SLC35F5: variants seen among roughly 807,000 people sequenced by gnomAD.
The protein encoded by SLC35F5 is HCV NS5A-transactivated protein 3.
A neutral mutation model predicts 68.6 loss-of-function variants in SLC35F5; 54 were observed. The ratio of observed to expected loss-of-function variants is 0.79; its 90% confidence interval spans 0.63 to 0.99. The LOEUF (loss-of-function observed/expected upper bound fraction) is 0.99, where lower values mean the gene tolerates loss of function less well. Ranked by LOEUF, SLC35F5 falls within the 50% of genes least tolerant of loss-of-function variation. The pLI, the probability that SLC35F5 is intolerant of heterozygous loss-of-function variation, is 0.00. For missense variants in SLC35F5, 567 were observed against 626.9 expected (o/e 0.90, Z 1.02); for synonymous variants, 211 against 205.2 (o/e 1.03, Z -0.24).
chr2:113,748,210 G>A (rs1676591399), intron 4 of SLC35F5, among the ~76,000 whole-genome samples: 1 of 152,048 alleles, frequency 6.6e-6, no homozygotes, highest in African/African-American at 2.4e-5. Flanking sequence ...CTGTCACCCA[G>A]ACTGGAGTGT....
chr2:113,729,404 AG>A lies in SLC35F5; in HGVS notation c.1086del (p.Phe363LeufsTer4). 1 of 1,460,158 alleles carries A rather than the reference AG, an allele frequency of 6.8e-7. No individual in the cohort carries two copies. Among genetic ancestry groups the A allele is most frequent in the Non-Finnish European group, 9.5e-7 (1 of 1,053,104 alleles). 90.5% of individuals were successfully genotyped at this position (1,460,158 alleles called of 1,614,324 possible). ...CCCAAGTTACATATATTCTTACCAA[AG>A]AACATTGGAATATCCAACTTGTCTT... is the stretch of plus-strand genomic sequence containing the variant. ...DREDKLDIPM[F>X]FGFVGLFNLL... On this transcript the variant is annotated frameshift_variant, in exon 11 of 16. Transcript: ENST00000245680. LOFTEE classifies it high-confidence loss of function.
intron 1 of SLC35F5, chr2:113,755,913 G>A: frequency 6.4e-7 from 1 of 1,550,552 alleles, no homozygotes. Context: ...TTCTAAAAGT[G>A]TCTTTTCTGT....
chr2:113,739,464 C>A (rs1396594998), intron 7 of SLC35F5, among the ~76,000 whole-genome samples: 2 of 152,150 alleles, frequency 1.3e-5, no homozygotes, highest in African/African-American at 2.4e-5. Context: ...CTATATTCCT[C>A]TGACTTCCCA....
intron 3 of SLC35F5, among the ~76,000 whole-genome samples, chr2:113,753,168 C>CTTTT (rs1173478465): frequency 0.01 from 492 of 49,068 alleles, 148 homozygotes; most frequent in African/African-American, 0.022. Context: ...GTTTGTTTTT[C>CTTTT]TTTTTTTTTT....
At chr2:113,727,137 C>A (rs1167427172) in intron 11 of SLC35F5, among the ~76,000 whole-genome samples, 1 of 152,136 alleles carries the variant, frequency 6.6e-6, no homozygotes, top group African/African-American at 2.4e-5. Flanking sequence ...AAGTGTTTGG[C>A]AGTTCCCCCT....
intron 6 of SLC35F5, among the ~76,000 whole-genome samples, chr2:113,743,228 C>T (rs904647816): frequency 2.0e-5 from 3 of 152,100 alleles, no homozygotes; most frequent in Admixed American, 1.3e-4. Flanking sequence ...TTTTTCCTCA[C>T]GCATACCCAA....
chr2:113,742,849 T>C lies in SLC35F5; in HGVS notation c.593A>G (p.Asn198Ser), dbSNP rs908499067. The change falls in exon 7 of 16, where the codon AAT (asparagine) becomes AGT (serine). Residue 198 changes from asparagine to serine, a missense_variant. Transcript: ENST00000245680. ...CGGAAGCTGTCGAATCTCCATGATA[T>C]TACTGAACCTCACACGAGACTTTTT... ...TPKKSRVRFS[N>S]IMEIRQLPSS... The C allele has an allele frequency of 6.8e-6, 11 of 1,613,888 alleles. No individual in the cohort carries two copies. The Admixed American group carries it at 1.5e-4, about 22-fold the overall frequency.
At position 113,742,383 on chromosome 2, in the gene SLC35F5, A is replaced by G. The variant is rs111716900; in HGVS notation, c.750+309T>C. 1,355 of 441,536 alleles carry G rather than the reference A, an allele frequency of 3.1e-3. 13 individuals carry two copies. Among genetic ancestry groups the G allele is most frequent in the African/African-American group, 0.025 (1,256 of 51,142 alleles). 27.4% of individuals were successfully genotyped at this position (441,536 alleles called of 1,614,324 possible). On this transcript the variant is annotated intron_variant, in intron 7 of 15. Coordinates refer to ENST00000245680, the MANE Select transcript of SLC35F5 (RefSeq NM_025181.5). ...ATATATCACAGTGTAAAATAACTCT[A>G]TTCATAATTTTGAGCATGAGGCAAT...
At chr2:113,715,289 T>C (rs1049531744) in intron 15 of SLC35F5, 94 bp from the exon 16 acceptor site, 7 of 152,242 alleles carry the variant, frequency 4.6e-5, no homozygotes, top group Non-Finnish European at 1.0e-4. Flanking sequence ...TATCTTAAAA[T>C]TGAAATACCT....
chr2:113,729,334 A>G (rs1330896106), intron 11 of SLC35F5, 67 bp downstream of exon 11: 2 of 848,902 alleles, frequency 2.4e-6, no homozygotes, highest in African/African-American at 1.8e-5. Context: ...TCCCTCTGAA[A>G]AACAAAAGCA....
At chr2:113,720,318 T>C (rs1047341157) in intron 13 of SLC35F5, among the ~76,000 whole-genome samples, 3 of 126,250 alleles carry the variant, frequency 2.4e-5, no homozygotes, top group Non-Finnish European at 5.4e-5. Flanking sequence ...TTTGCCCTCT[T>C]TGAGAATTAA....
At chr2:113,747,243 C>T (rs945462103) in intron 4 of SLC35F5, among the ~76,000 whole-genome samples, 4 of 151,168 alleles carry the variant, frequency 2.6e-5, no homozygotes, top group African/African-American at 9.7e-5. Context: ...GCCGAGATCA[C>T]GCCACTGCAC....
rs964001900 is a variant in SLC35F5 at position 113,756,161 on chromosome 2, G to A, written c.40+209C>T. 2.8e-6 allele frequency: 4 copies of A among 1,452,598 alleles called. No individual in the cohort carries two copies. The Admixed American group carries it at 7.9e-5, about 29-fold the overall frequency. The allele number at this position is 1,452,598 out of a possible 1,614,324, so 90.0% of individuals were successfully genotyped here. A position where few individuals can be genotyped will look rare whatever the true frequency, so the allele number is the denominator to read the frequency against. On this transcript the variant is annotated intron_variant, in intron 1 of 15. Transcript: ENST00000245680. ...CGACGCCTCCCCGGGGAGCCGAGGC[G>A]AGGGCGCACGCACGGCTTCCTCAAT...
chr2:113,705,841 C>A (rs2104942506), downstream of SLC35F5, among the ~76,000 whole-genome samples: 1 of 151,822 alleles, frequency 6.6e-6, no homozygotes, highest in East Asian at 1.9e-4. Context: ...AAATATTTTT[C>A]ATGTTTTATA....
At chr2:113,739,561 T>C (rs558871761) in intron 7 of SLC35F5, among the ~76,000 whole-genome samples, 2 of 152,372 alleles carry the variant, frequency 1.3e-5, no homozygotes, top group South Asian at 4.1e-4. Flanking sequence ...TGTAGTATGA[T>C]AATTACGTAT....
downstream of SLC35F5, among the ~76,000 whole-genome samples, chr2:113,703,002 T>C (rs564419165): frequency 6.6e-6 from 1 of 152,076 alleles, no homozygotes; most frequent in East Asian, 1.9e-4. Flanking sequence ...CCCAGCAACT[T>C]GAGAGGCTGA....
chr2:113,720,066 AAAAC>A (rs1188395112), intron 13 of SLC35F5, among the ~76,000 whole-genome samples: 1 of 151,344 alleles, frequency 6.6e-6, no homozygotes, highest in Admixed American at 6.6e-5. Context: ...AAAAATAAGA[AAAAC>A]AAATATATAA....
rs1686908689 is a variant in SLC35F5 at position 113,709,525 on chromosome 2, TCA to T, written c.*5691_*5692del. ...GTATTTCAATTAGAGTTTCTCATTCTCACAGTCTCAGGCAGGTTGCATTAACC... is the reference window on the plus strand; with the variant it reads ...GTATTTCAATTAGAGTTTCTCATTCTCAGTCTCAGGCAGGTTGCATTAACC... On this transcript the variant is annotated 3_prime_UTR_variant, in exon 16 of 16. Coordinates refer to ENST00000245680, the MANE Select transcript of SLC35F5 (RefSeq NM_025181.5). Among the ~76,000 whole-genome samples, 2 of 152,206 alleles carry T rather than the reference TCA, an allele frequency of 1.3e-5. No individual in the cohort carries two copies. Among genetic ancestry groups the T allele is most frequent in the African/African-American group, 2.4e-5 (1 of 41,434 alleles).
intron 9 of SLC35F5, among the ~76,000 whole-genome samples, chr2:113,732,852 T>C (rs1389134862): frequency 6.6e-6 from 1 of 152,100 alleles, no homozygotes; most frequent in East Asian, 1.9e-4. Context: ...GGCACAGAAA[T>C]GTAAGGAACT....
Sources: gnomAD v4.1 joint callset for allele counts (sites outside exome capture counted in the v4.1 genomes callset) on GRCh38, gnomAD v4.1.1 for gene constraint, MANE v1.5 for transcripts, NCBI Gene and HGNC (gene_info 2026-07-23, HGNC 2026-07-21) for gene names.